The following SORCS2 variants were observed in gnomAD, a reference collection of about 807,000 sequenced individuals.
The protein encoded by SORCS2 is sortilin related VPS10 domain containing receptor 2, also known as VPS10 domain-containing receptor SorCS2.
A neutral mutation model predicts 141.6 loss-of-function variants in SORCS2; 100 were observed. The observed-to-expected ratio is 0.71, with a 90% CI of 0.60 to 0.83. SORCS2 has a LOEUF of 0.83. Ranked by LOEUF, SORCS2 falls within the 40% of genes least tolerant of loss-of-function variation. The probability of loss-of-function intolerance (pLI) is 0.00; values close to 1 mark genes in which losing one functional copy is unlikely to be tolerated. For missense variants in SORCS2, 1,646 were observed against 1,560.2 expected (o/e 1.05, Z -0.93); for synonymous variants, 789 against 676.9 (o/e 1.17, Z -2.57).
At chr4:7,440,185 G>A (rs533404620) in intron 2 of SORCS2, among the ~76,000 whole-genome samples, 1 of 152,318 alleles carries the variant, frequency 6.6e-6, no homozygotes, top group East Asian at 1.9e-4. Flanking sequence ...GACGAGCCTG[G>A]CCACAATGGA....
At chr4:7,534,772 G>A (rs1437269402) in intron 3 of SORCS2, among the ~76,000 whole-genome samples, 1 of 152,230 alleles carries the variant, frequency 6.6e-6, no homozygotes, top group Non-Finnish European at 1.5e-5. Context: ...GCCTCCAGAG[G>A]AACCAGCCCT....
At chr4:7,452,510 A>C (rs1728528240) in intron 2 of SORCS2, among the ~76,000 whole-genome samples, 1 of 152,048 alleles carries the variant, frequency 6.6e-6, no homozygotes, top group South Asian at 2.1e-4. Flanking sequence ...TTTTCACCTC[A>C]AACACACATC....
At chr4:7,590,490 A>C (rs896358587) in intron 3 of SORCS2, among the ~76,000 whole-genome samples, 1 of 152,164 alleles carries the variant, frequency 6.6e-6, no homozygotes, top group Non-Finnish European at 1.5e-5. Context: ...GAGTCTAGAG[A>C]GTGGACTTCT....
chr4:7,338,440 A>ATGGATGGC (rs1720160544), intron 1 of SORCS2, among the ~76,000 whole-genome samples: 1 of 151,662 alleles, frequency 6.6e-6, no homozygotes, highest in Non-Finnish European at 1.5e-5. Flanking sequence ...GGATGGATGG[A>ATGGATGGC]TGGATGAATG....
At chr4:7,487,938 G>A (rs141610720) in intron 2 of SORCS2, among the ~76,000 whole-genome samples, 2 of 152,112 alleles carry the variant, frequency 1.3e-5, no homozygotes, top group East Asian at 1.9e-4. Flanking sequence ...ACAAAGGAAC[G>A]AAGGAAGCAG....
chr4:7,568,908 C>T (rs1715198169), intron 3 of SORCS2, among the ~76,000 whole-genome samples: 1 of 152,158 alleles, frequency 6.6e-6, no homozygotes, highest in African/African-American at 2.4e-5. Context: ...AGGCCTATTC[C>T]TCAGAATCTC....
intron 1 of SORCS2, among the ~76,000 whole-genome samples, chr4:7,232,487 A>G (rs1366844897): frequency 6.6e-6 from 1 of 152,098 alleles, no homozygotes; most frequent in East Asian, 1.9e-4. Flanking sequence ...AGGATGGCGG[A>G]TTTATTCTTT....
intron 1 of SORCS2, among the ~76,000 whole-genome samples, chr4:7,280,782 AT>A (rs1715825857): frequency 6.6e-6 from 1 of 152,212 alleles, no homozygotes; most frequent in Non-Finnish European, 1.5e-5. Flanking sequence ...GCATACGATG[AT>A]TGTAGCAAGG....
intron 3 of SORCS2, among the ~76,000 whole-genome samples, chr4:7,543,477 AT>A (rs1385954899): frequency 8.0e-6 from 1 of 124,926 alleles, no homozygotes; most frequent in Admixed American, 8.4e-5. Flanking sequence ...CCACCCATCC[AT>A]TCACCCACTC....
chr4:7,707,843 T>A (rs1725567418), intron 14 of SORCS2, among the ~76,000 whole-genome samples: 1 of 152,208 alleles, frequency 6.6e-6, no homozygotes, highest in Non-Finnish European at 1.5e-5. Flanking sequence ...AAGCACCGCC[T>A]GCAGGGGCCT....
At chr4:7,561,005 G>A (rs1293298880) in intron 3 of SORCS2, among the ~76,000 whole-genome samples, 1 of 152,162 alleles carries the variant, frequency 6.6e-6, no homozygotes, top group Non-Finnish European at 1.5e-5. Context: ...TGCAGTTAAT[G>A]TATGGGGGTG....
At chr4:7,607,900 C>G (rs1577833271) in intron 3 of SORCS2, among the ~76,000 whole-genome samples, 1 of 152,166 alleles carries the variant, frequency 6.6e-6, no homozygotes, top group African/African-American at 2.4e-5. Flanking sequence ...TGGTGGCATC[C>G]TTGAAGTCAC....
intron 5 of SORCS2, among the ~76,000 whole-genome samples, chr4:7,659,942 C>A (rs1381451564): frequency 6.6e-6 from 1 of 152,244 alleles, no homozygotes; most frequent in African/African-American, 2.4e-5. Context: ...GGTAGTGGAT[C>A]TTGCTCTACT....
chr4:7,327,314 G>T (rs554304250), intron 1 of SORCS2, among the ~76,000 whole-genome samples: 88 of 152,328 alleles, frequency 5.8e-4, no homozygotes, highest in Admixed American at 1.4e-3. Flanking sequence ...TCCTGGCGAG[G>T]CTCTGTGCTC....
At chr4:7,225,993 C>A (rs746998293) in intron 1 of SORCS2, among the ~76,000 whole-genome samples, 6 of 152,210 alleles carry the variant, frequency 3.9e-5, no homozygotes, top group Non-Finnish European at 8.8e-5. Context: ...AAGGCCCTGT[C>A]TCTCACTGAG....
intron 10 of SORCS2, among the ~76,000 whole-genome samples, chr4:7,684,190 C>T (rs933353488): frequency 6.6e-6 from 1 of 152,184 alleles, no homozygotes; most frequent in Non-Finnish European, 1.5e-5. Flanking sequence ...AGTGTTAGAG[C>T]CGCACAGAGC....
chr4:7,626,599 A>T (rs1719528461), intron 3 of SORCS2, among the ~76,000 whole-genome samples: 1 of 152,230 alleles, frequency 6.6e-6, no homozygotes, highest in Non-Finnish European at 1.5e-5. Context: ...TGTGTGTATC[A>T]TATGTGTGTA....
chr4:7,255,567 A>G (rs1293960019), intron 1 of SORCS2, among the ~76,000 whole-genome samples: 2 of 152,128 alleles, frequency 1.3e-5, no homozygotes, highest in African/African-American at 4.8e-5. Context: ...CTCCCTGTCC[A>G]CGTGGTCCAG....
chr4:7,273,962 C>T (rs182020426), intron 1 of SORCS2, among the ~76,000 whole-genome samples: 145 of 152,350 alleles, frequency 9.5e-4, no homozygotes, highest in African/African-American at 3.3e-3. Context: ...GGCCTCCGCA[C>T]ATCCCTCACA....
Sources: gnomAD v4.1 joint callset for allele counts (sites outside exome capture counted in the v4.1 genomes callset) on GRCh38, gnomAD v4.1.1 for gene constraint, MANE v1.5 for transcripts, NCBI Gene and HGNC (gene_info 2026-07-23, HGNC 2026-07-21) for gene names.